MAP2K4: variants seen among roughly 807,000 people sequenced by gnomAD.
The protein encoded by MAP2K4 is mitogen-activated protein kinase kinase 4, also known as dual specificity mitogen-activated protein kinase kinase 4.
MAP2K4 carries 4 observed loss-of-function variants against 48.5 expected under a neutral mutation model. The observed-to-expected ratio is 0.08, with a 90% confidence interval of 0.04 to 0.19. The LOEUF is 0.19. Ranked by LOEUF, MAP2K4 falls within the 10% of genes least tolerant of loss-of-function variation. The pLI, the probability that MAP2K4 is intolerant of heterozygous loss-of-function variation, is 1.00. For missense variants in MAP2K4, 258 were observed against 493.3 expected, an observed-to-expected ratio of 0.52 and a Z score of 4.52; for synonymous variants, 166 against 173.1, an observed-to-expected ratio of 0.96 and a Z score of 0.32.
chr17:12,118,765 G>A (rs531963928), intron 7 of MAP2K4, among the ~76,000 whole-genome samples: 56 of 152,296 alleles, frequency 3.7e-4, no homozygotes, highest in African/African-American at 1.2e-3. Context: ...TTCAGAAGGC[G>A]TTTAGCATGA....
At position 12,141,153 on chromosome 17, in the gene MAP2K4, C is replaced by G; in HGVS notation, c.1093C>G (p.Pro365Ala). ...RPKYKELLKHPFILMYEERAV... is the reference protein window; with the variant it reads ...RPKYKELLKHAFILMYEERAV... ...GTTTTCAATTTTCTTGCAGAAACATCCCTTTATTTTGATGTATGAAGAACG... is the reference window on the plus strand; with the variant it reads ...GTTTTCAATTTTCTTGCAGAAACATGCCTTTATTTTGATGTATGAAGAACG... The change falls in exon 11 of 11, where the codon CCC (proline) becomes GCC (alanine). Residue 365 changes from proline (P) to alanine (A), a missense_variant. Physicochemically the swap from Pro to Ala is conservative, Grantham distance 27. This residue lies in a region of MAP2K4 where 57 missense variants were observed against 84.3 expected (regional missense o/e 0.68). Coordinates refer to ENST00000353533, the MANE Select transcript of MAP2K4 (RefSeq NM_003010.4). 6.2e-7 allele frequency: 1 copy of G among 1,604,300 alleles called. No individual in the cohort carries two copies. Among genetic ancestry groups the G allele is most frequent in the Non-Finnish European group, 8.5e-7 (1 of 1,171,274 alleles).
intron 7 of MAP2K4, among the ~76,000 whole-genome samples, chr17:12,114,399 TG>T: frequency 1.1e-5 from 1 of 91,526 alleles, no homozygotes; most frequent in Admixed American, 1.1e-4. Context: ...TGTGTGTGTG[TG>T]TGTGTGTGTG....
At chr17:12,075,224 A>G (rs576162958) in intron 2 of MAP2K4, among the ~76,000 whole-genome samples, 1 of 152,316 alleles carries the variant, frequency 6.6e-6, no homozygotes, top group African/African-American at 2.4e-5. Flanking sequence ...GAGAGAACAG[A>G]CTGGATGGAT....
chr17:12,063,468 A>G (rs1460557617), intron 2 of MAP2K4, among the ~76,000 whole-genome samples: 1 of 152,246 alleles, frequency 6.6e-6, no homozygotes, highest in Admixed American at 6.5e-5. Context: ...TTTCTACTTC[A>G]TACCATATGC....
intron 2 of MAP2K4, among the ~76,000 whole-genome samples, chr17:12,061,319 T>A (rs1174229140): frequency 6.6e-6 from 1 of 152,210 alleles, no homozygotes; most frequent in African/African-American, 2.4e-5. Context: ...TTGTACTTCT[T>A]AATGTTACAG....
chr17:12,122,032 A>G (rs935875834), intron 7 of MAP2K4, among the ~76,000 whole-genome samples: 3 of 152,244 alleles, frequency 2.0e-5, no homozygotes, highest in African/African-American at 7.2e-5. Flanking sequence ...AGGAAAATAA[A>G]AACTTGGGAC....
intron 2 of MAP2K4, among the ~76,000 whole-genome samples, chr17:12,080,869 T>G (rs981906781): frequency 6.6e-6 from 1 of 152,108 alleles, no homozygotes; most frequent in African/African-American, 2.4e-5. Flanking sequence ...CTCCCCCAGG[T>G]GATTGTAAGG....
chr17:12,077,711 C>T lies in MAP2K4; in HGVS notation c.219-3645C>T, dbSNP rs1234389155. On this transcript the variant is annotated intron_variant, in intron 2 of 10. Coordinates refer to ENST00000353533, the MANE Select transcript of MAP2K4 (RefSeq NM_003010.4). ...TTTTAAGTACTGTGTTCCTATTTTC[C>T]ACCTCTAACTGCAAGGAATGTTGGT... is the stretch of plus-strand genomic sequence containing the variant. Among the ~76,000 whole-genome samples the T allele has an allele frequency of 3.9e-5, 6 of 152,292 alleles. No individual in the cohort carries two copies. In the East Asian group the frequency reaches 7.7e-4, roughly 20 times the overall value.
In MAP2K4 at chr17:12,125,078, G is replaced by C. The variant is rs1184279779; in HGVS notation, c.814-216G>C. ...GAGTCTTTGAGGGGAATAGTTAAAT[G>C]AATTGCTTAGTGTTCTCTTTATGGA... On this transcript the variant is annotated intron_variant, in intron 7 of 10. Transcript: ENST00000353533. 1.2e-5 allele frequency: 6 copies of C among 518,082 alleles called. No individual in the cohort carries two copies. In the East Asian group the frequency reaches 1.8e-4, roughly 16 times the overall value. 32.1% of individuals were successfully genotyped at this position (518,082 alleles called of 1,614,324 possible). A position where few individuals can be genotyped will look rare whatever the true frequency, so the allele number is the denominator to read the frequency against.
chr17:12,082,207 G>A (rs1315465578), intron 3 of MAP2K4, among the ~76,000 whole-genome samples: 1 of 151,264 alleles, frequency 6.6e-6, no homozygotes, highest in Non-Finnish European at 1.5e-5. Flanking sequence ...GCTTATGCTG[G>A]TACCTGTAAA....
chr17:12,050,744 T>C (rs1597413546), intron 1 of MAP2K4, among the ~76,000 whole-genome samples: 1 of 152,282 alleles, frequency 6.6e-6, no homozygotes, highest in East Asian at 1.9e-4. Flanking sequence ...CTCTTTATCA[T>C]CTTGTTTTTA....
chr17:12,041,768 C>T (rs978486272), intron 1 of MAP2K4, among the ~76,000 whole-genome samples: 24 of 152,214 alleles, frequency 1.6e-4, no homozygotes, highest in Admixed American at 5.2e-4. Flanking sequence ...ATTTGAGCTT[C>T]GATTCCTTAT....
intron 2 of MAP2K4, among the ~76,000 whole-genome samples, chr17:12,080,604 G>T: frequency 6.6e-6 from 1 of 151,784 alleles, no homozygotes. Flanking sequence ...TTGCTTTATC[G>T]AACGAGGGCT....
At chr17:12,061,326 A>G (rs1970443580) in intron 2 of MAP2K4, among the ~76,000 whole-genome samples, 1 of 152,154 alleles carries the variant, frequency 6.6e-6, no homozygotes, top group Non-Finnish European at 1.5e-5. Flanking sequence ...TCTTAATGTT[A>G]CAGTTTAGGG....
intron 7 of MAP2K4, among the ~76,000 whole-genome samples, chr17:12,123,047 TG>T (rs1443341718): frequency 6.6e-6 from 1 of 152,216 alleles, no homozygotes; most frequent in African/African-American, 2.4e-5. Context: ...TTGTTATTTT[TG>T]TGTCTTTCTG....
chr17:12,051,996 C>A (rs1477325931), intron 1 of MAP2K4, among the ~76,000 whole-genome samples: 1 of 151,624 alleles, frequency 6.6e-6, no homozygotes, highest in Admixed American at 6.6e-5. Flanking sequence ...AGCTATTTTT[C>A]TACTTTTCTT....
At chr17:12,035,469 T>A (rs12940006) in intron 1 of MAP2K4, among the ~76,000 whole-genome samples, 36,893 of 152,166 alleles carry the variant, frequency 0.24, 5,208 homozygotes, top group Middle Eastern at 0.35. Context: ...TGAGCCGAGA[T>A]TGTGCCATGG....
At chr17:12,021,943 G>C (rs912591358) in intron 1 of MAP2K4, among the ~76,000 whole-genome samples, 1 of 152,148 alleles carries the variant, frequency 6.6e-6, no homozygotes, top group Admixed American at 6.5e-5. Flanking sequence ...GAGCCTGTTA[G>C]GGACCATTTC....
chr17:12,113,501 T>A, intron 7 of MAP2K4, 141 bp downstream of exon 7: 1 of 947,602 alleles, frequency 1.1e-6, no homozygotes, highest in Non-Finnish European at 1.5e-6. Context: ...GCTCAGGTCC[T>A]AGCCTCTCCA....
Sources: allele counts gnomAD v4.1 joint callset (sites outside exome capture counted in the v4.1 genomes callset), GRCh38; gene constraint gnomAD v4.1.1; regional missense constraint gnomAD v4.1.1; transcripts MANE v1.5; gene names NCBI Gene and HGNC (gene_info 2026-07-23, HGNC 2026-07-21).